Variants in LPCAT2 observed in about 807,000 individuals in gnomAD.
LPCAT2 encodes lysophosphatidylcholine acyltransferase 2, also known as 1-AGP acyltransferase 11.
Under a neutral mutation model 64.7 loss-of-function variants are expected in LPCAT2, and 58 were observed. That is an observed-to-expected ratio of 0.90 (90% CI 0.73 to 1.12). The LOEUF (loss-of-function observed/expected upper bound fraction) is 1.12, where lower values mean the gene tolerates loss of function less well. Ranked by LOEUF, LPCAT2 falls within the 50% of genes most tolerant of loss-of-function variation. The probability of loss-of-function intolerance (pLI) is 0.00; values close to 1 mark genes in which losing one functional copy is unlikely to be tolerated. For synonymous variants in LPCAT2, 252 were observed against 245.3 expected (o/e 1.03, Z -0.26); for missense variants, 579 against 669.8 (o/e 0.86, Z 1.50).
At chr16:55,516,545 G>A (rs774994057) in intron 1 of LPCAT2, among the ~76,000 whole-genome samples, 23 of 152,208 alleles carry the variant, frequency 1.5e-4, no homozygotes, top group Non-Finnish European at 3.1e-4. Flanking sequence ...GACAGAAATT[G>A]TTGCTAAAGA....
chr16:55,513,057 A>C (rs1962956450), intron 1 of LPCAT2, among the ~76,000 whole-genome samples: 1 of 152,208 alleles, frequency 6.6e-6, no homozygotes, highest in African/African-American at 2.4e-5. Flanking sequence ...AATGGCCAAA[A>C]TACTATAAAA....
rs1164095868 is a variant in LPCAT2, at chr16:55,527,023, A to G, written c.312-1354A>G. Among the ~76,000 whole-genome samples the G allele has an allele frequency of 6.6e-5, 10 of 152,290 alleles. No homozygotes were observed. The East Asian group carries it at 1.7e-3, about 26-fold the overall frequency. On this transcript the variant is annotated intron_variant, in intron 2 of 13. Transcript: ENST00000262134. Reference sequence around the variant, plus strand: ...AATAAGAGGTGTGGAAATTTGATAAAGGAATACACTTCATATCATTACATG... The same window carrying G: ...AATAAGAGGTGTGGAAATTTGATAAGGGAATACACTTCATATCATTACATG...
chr16:55,570,870 A>G (rs1429429240), intron 11 of LPCAT2, among the ~76,000 whole-genome samples: 3 of 152,226 alleles, frequency 2.0e-5, no homozygotes, highest in Non-Finnish European at 4.4e-5. Context: ...TCTTCTGTAC[A>G]GCTCAGAATT....
At chr16:55,546,719 G>A (rs1963458008) in intron 9 of LPCAT2, among the ~76,000 whole-genome samples, 1 of 152,168 alleles carries the variant, frequency 6.6e-6, no homozygotes, top group Non-Finnish European at 1.5e-5. Context: ...TTGCTATTAA[G>A]TGTATATAGA....
intron 12 of LPCAT2, among the ~76,000 whole-genome samples, chr16:55,578,434 A>C (rs1297306212): frequency 1.3e-5 from 2 of 152,132 alleles, no homozygotes; most frequent in African/African-American, 4.8e-5. Flanking sequence ...AGAAGATACC[A>C]TTTTTACTTC....
chr16:55,586,434 GAT>G lies in LPCAT2; in HGVS notation c.*3338_*3339del, dbSNP rs1963947647. 6.8e-6 allele frequency: 1 copy of G among 146,060 alleles called. No individual in the cohort carries two copies. Among genetic ancestry groups the G allele is most frequent in the African/African-American group, 2.7e-5 (1 of 37,102 alleles). 9.0% of individuals were successfully genotyped at this position (146,060 alleles called of 1,614,324 possible). On this transcript the variant is annotated 3_prime_UTR_variant, in exon 14 of 14. Transcript: ENST00000262134. The stretch of plus-strand genomic sequence containing the variant: ...CTATGCACATTAGCAAAATTTAAAA[GAT>G]AGAGAAAAATATAAACAGAAAAAAT...
At chr16:55,520,970 A>G (rs1166685191) in intron 1 of LPCAT2, among the ~76,000 whole-genome samples, 1 of 151,850 alleles carries the variant, frequency 6.6e-6, no homozygotes, top group African/African-American at 2.4e-5. Flanking sequence ...AACACAAAGT[A>G]AGTCAAAGAA....
intron 1 of LPCAT2, among the ~76,000 whole-genome samples, chr16:55,509,991 C>CTTTTTTTTTTTTTTTTTTTTTTTTTTTT (rs57496150): frequency 2.0e-5 from 2 of 102,532 alleles, no homozygotes; most frequent in African/African-American, 7.4e-5. Context: ...TTGAAGAAGT[C>CTTTTTTTTTTTTTTTTTTTTTTTTTTTT]TTTTTTTTTT....
chr16:55,534,278 A>G (rs531808534), intron 6 of LPCAT2, among the ~76,000 whole-genome samples, 165 bp from the exon 7 acceptor site: 2 of 152,296 alleles, frequency 1.3e-5, no homozygotes, highest in East Asian at 1.9e-4. Flanking sequence ...CCAAGAATTC[A>G]TAGATCAGTT....
intron 4 of LPCAT2, 56 bp from the exon 5 acceptor site, chr16:55,531,857 TA>T: frequency 9.0e-7 from 1 of 1,116,694 alleles, no homozygotes; most frequent in Non-Finnish European, 1.4e-6. Context: ...AGAAAGCGAG[TA>T]AAGAGGTAAT....
chr16:55,579,558 AC>A (rs1217658765), intron 13 of LPCAT2, among the ~76,000 whole-genome samples: 1 of 152,170 alleles, frequency 6.6e-6, no homozygotes, highest in Non-Finnish European at 1.5e-5. Context: ...CTTATCTAAG[AC>A]AATTTAGCTA....
Position 55,525,576 on chromosome 16 carries a change from A to T in LPCAT2, c.240A>T (p.Ala80=), listed in dbSNP as rs188298474. ...VLLVALILLL[A]WPFAAISTVC... ...TGGTTGCGTTAATTTTATTACTTGC[A>T]TGGCCATTTGCTGCAATTTCAACAG... The change falls in exon 2 of 14, where the codon GCA becomes GCT. Residue 80 remains alanine, a synonymous_variant. Transcript: ENST00000262134. The T allele has an allele frequency of 4.2e-5, 68 of 1,612,186 alleles. No individual in the cohort carries two copies. The highest frequency in any genetic ancestry group is 6.7e-5 in the Admixed American group (4 of 59,778).
chr16:55,583,165 A>G lies in LPCAT2; in HGVS notation c.*67A>G. 1 of 1,167,652 alleles carries G rather than the reference A, an allele frequency of 8.6e-7. No individual in the cohort carries two copies. Among genetic ancestry groups the G allele is most frequent in the Non-Finnish European group, 1.2e-6 (1 of 823,020 alleles). 72.3% of individuals were successfully genotyped at this position (1,167,652 alleles called of 1,614,324 possible). A position where few individuals can be genotyped will look rare whatever the true frequency, so the allele number is the denominator to read the frequency against. ...GAAATTGTAAAGGCACTTATTGATA[A>G]TACTTTTAATGTGTTGGTAATGATG... On this transcript the variant is annotated 3_prime_UTR_variant, in exon 14 of 14. Coordinates refer to ENST00000262134, the MANE Select transcript of LPCAT2 (RefSeq NM_017839.5).
At position 55,567,183 on chromosome 16, in the gene LPCAT2, G is replaced by T. The variant is rs1353990919; in HGVS notation, c.1216-7448G>T. ...CACGACTGGTAAGCTGGGCTTTGAA[G>T]AATTTAAGTATCTGTGGAACAACAT... On this transcript the variant is annotated intron_variant, in intron 11 of 13. Coordinates refer to ENST00000262134, the MANE Select transcript of LPCAT2 (RefSeq NM_017839.5). 3.1e-6 allele frequency: 5 copies of T among 1,613,858 alleles called. No homozygotes were observed. In the South Asian group the frequency reaches 5.5e-5, roughly 18 times the overall value.
chr16:55,546,127 G>GCCTTGTGATGATC (rs1225138787), intron 9 of LPCAT2, among the ~76,000 whole-genome samples: 4 of 152,076 alleles, frequency 2.6e-5, no homozygotes, highest in Admixed American at 2.0e-4. Flanking sequence ...TGTCAGATGA[G>GCCTTGTGATGATC]CCTTGTGATG....
chr16:55,541,960 G>A (rs1188875053), intron 8 of LPCAT2: 1 of 1,233,420 alleles, frequency 8.1e-7, no homozygotes, highest in African/African-American at 1.6e-5. Context: ...CTGCACATTT[G>A]TTAAGATTGT....
chr16:55,510,665 A>C (rs1391304643), intron 1 of LPCAT2, among the ~76,000 whole-genome samples: 2 of 152,188 alleles, frequency 1.3e-5, no homozygotes, highest in East Asian at 3.9e-4. Context: ...GAGAGGAAGA[A>C]GATAAAGAAT....
intron 8 of LPCAT2, chr16:55,538,679 C>CAAAAAAA (rs3040226): frequency 3.3e-5 from 3 of 90,870 alleles, no homozygotes; most frequent in Non-Finnish European, 4.5e-5. Context: ...TCACTGTGGC[C>CAAAAAAA]AAAAAAAAAA....
chr16:55,530,362 T>C (rs544776274), intron 4 of LPCAT2, among the ~76,000 whole-genome samples: 39 of 152,244 alleles, frequency 2.6e-4, no homozygotes, highest in Non-Finnish European at 4.6e-4. Flanking sequence ...GGGTAAGTGA[T>C]TAAGATCTTT....
Sources: allele counts gnomAD v4.1 joint callset (sites outside exome capture counted in the v4.1 genomes callset), GRCh38; gene constraint gnomAD v4.1.1; transcripts MANE v1.5; gene names NCBI Gene and HGNC (gene_info 2026-07-23, HGNC 2026-07-21).